Variants in KLHDC7B observed in about 807,000 individuals in gnomAD.
KLHDC7B encodes the protein kelch domain-containing protein 7B.
Under a neutral mutation model 0.6 loss-of-function variants are expected in KLHDC7B, and 1 was observed. The observed-to-expected ratio is 1.71, with a 90% CI of 0.61 to 8.11. KLHDC7B has a LOEUF of 8.11. Ranked by LOEUF, KLHDC7B falls within the 30% of genes most tolerant of loss-of-function variation. The probability of loss-of-function intolerance (pLI) is 0.13; values close to 1 mark genes in which losing one functional copy is unlikely to be tolerated. For missense variants in KLHDC7B, 993 were observed against 894.9 expected (o/e 1.11, Z -1.40); for synonymous variants, 462 against 405.2 (o/e 1.14, Z -1.68).
In KLHDC7B at chr22:50,548,865, C is replaced by T; in HGVS notation, c.2622C>T (p.His874=). 6.4e-7 allele frequency: 1 copy of T among 1,560,788 alleles called. No homozygotes were observed. The highest frequency in any genetic ancestry group is 8.7e-7 in the Non-Finnish European group (1 of 1,155,718). ...CLDVLAFAQQ[H]GEPGLAQETY... ...ACGTGCTGGCCTTTGCCCAGCAGCA[C>T]GGAGAGCCCGGCCTGGCGCAGGAGA... The change falls in exon 1 of 1, where the codon CAC becomes CAT. Residue 874 remains histidine (H), a synonymous_variant. Coordinates refer to ENST00000648057, the MANE Select transcript of KLHDC7B (RefSeq NM_138433.5). This position sits in a 1 kb window ranked among gnomAD's most constrained non-coding sequence, Gnocchi z 5.3.
In KLHDC7B at chr22:50,547,478, G is replaced by T; in HGVS notation, c.1235G>T (p.Ser412Ile). The T allele has an allele frequency of 5.1e-6, 2 of 389,434 alleles. No individual in the cohort carries two copies. Among genetic ancestry groups the T allele is most frequent in the East Asian group, 3.7e-5 (1 of 27,322 alleles). 24.1% of individuals were successfully genotyped at this position (389,434 alleles called of 1,614,324 possible). Residue 412 changes from serine (S) to isoleucine (I), a missense_variant, in exon 1 of 1, where the codon AGC (serine) becomes ATC (isoleucine). Physicochemically the swap from Ser to Ile is moderately radical, Grantham distance 142. Transcript: ENST00000648057. ...GGCCACAGCCGCGCGCCCTCCCGGA[G>T]CCGTGAGCCTCGCCCGCGCTCCGCC... ...AAGHSRAPSR[S>I]REPRPRSASP...
chr22:50,548,451 G>A lies in KLHDC7B; in HGVS notation c.2208G>A (p.Leu736=), dbSNP rs1013371579. 23 of 1,579,058 alleles carry A rather than the reference G, an allele frequency of 1.5e-5. No individual in the cohort carries two copies. Among genetic ancestry groups the A allele is most frequent in the Non-Finnish European group, 1.8e-5 (21 of 1,163,038 alleles). Reference sequence around the variant, plus strand: ...CCAGGGAGAAAAGTCTAGACCCGCTGCCCCAAGCCGCGATGCCCAGGGGCC... The same window carrying A: ...CCAGGGAGAAAAGTCTAGACCCGCTACCCCAAGCCGCGATGCCCAGGGGCC... ...EGTREKSLDP[L]PQAAMPRGPA... The change falls in exon 1 of 1, where the codon CTG becomes CTA. Residue 736 remains leucine, a synonymous_variant. Coordinates refer to ENST00000648057, the MANE Select transcript of KLHDC7B (RefSeq NM_138433.5). The surrounding 1 kb of genome is among the most constrained non-coding windows in gnomAD (Gnocchi z 5.3).
Position 50,547,653 on chromosome 22 carries a change from A to G in KLHDC7B, c.1410A>G (p.Gln470=). ...AAPAPSSASA[Q]VLTSAPASVL... ...CAGCCCCAAGTTCAGCCTCAGCCCA[A>G]GTCTTAACTTCAGCTCCAGCCTCAG... Residue 470 remains glutamine, a synonymous_variant, in exon 1 of 1, where the codon CAA becomes CAG. Coordinates refer to ENST00000648057, the MANE Select transcript of KLHDC7B (RefSeq NM_138433.5). 2.5e-6 allele frequency: 1 copy of G among 407,636 alleles called. No individual in the cohort carries two copies. The highest frequency in any genetic ancestry group is 3.6e-5 in the East Asian group (1 of 28,162). The allele number at this position is 407,636 out of a possible 1,614,324, so 25.3% of individuals were successfully genotyped here. A position where few individuals can be genotyped will look rare whatever the true frequency, so the allele number is the denominator to read the frequency against.
chr22:50,549,948 C>T lies in KLHDC7B; in HGVS notation c.3705C>T (p.Leu1235=). 6.4e-7 allele frequency: 1 copy of T among 1,552,174 alleles called. No homozygotes were observed. Among genetic ancestry groups the T allele is most frequent in the Non-Finnish European group, 8.7e-7 (1 of 1,142,874 alleles). Residue 1235 remains leucine, a synonymous_variant, in exon 1 of 1, where the codon CTC becomes CTT. Coordinates refer to ENST00000648057, the MANE Select transcript of KLHDC7B (RefSeq NM_138433.5). ...CTGAGGACCGGCTGCAGACCTCACT[C>T]TGAGTGGCAGGCAGAGAACCAAAGC... ...LPPEDRLQTS[L]
chr22:50,548,979 C>A lies in KLHDC7B; in HGVS notation c.2736C>A (p.Ile912=). The part of the protein sequence containing the change: ...RRLSAADRER[I]LSLRTGRGRA... ...TGAGCGCGGCCGACCGCGAGCGCAT[C>A]CTCAGCCTGCGGACCGGCCGGGGCC... The change falls in exon 1 of 1, where the codon ATC becomes ATA. Residue 912 remains isoleucine (I), a synonymous_variant. Transcript: ENST00000648057. This position sits in a 1 kb window ranked among gnomAD's most constrained non-coding sequence, Gnocchi z 5.3. 6.3e-7 allele frequency: 1 copy of A among 1,598,492 alleles called. No individual in the cohort carries two copies. Among genetic ancestry groups the A allele is most frequent in the Non-Finnish European group, 8.5e-7 (1 of 1,174,938 alleles).
In KLHDC7B at chr22:50,549,732, C is replaced by A; in HGVS notation, c.3489C>A (p.Ala1163=). 4 of 1,590,672 alleles carry A rather than the reference C, an allele frequency of 2.5e-6. No individual in the cohort carries two copies. Among genetic ancestry groups the A allele is most frequent in the Non-Finnish European group, 3.4e-6 (4 of 1,170,500 alleles). The change falls in exon 1 of 1, where the codon GCC becomes GCA. Residue 1163 remains alanine, a synonymous_variant. Coordinates refer to ENST00000648057, the MANE Select transcript of KLHDC7B (RefSeq NM_138433.5). ...NTVTGSWSRA[A]SLPLPAPAPL... ...TGACCGGCTCCTGGAGCAGGGCTGC[C>A]TCCCTGCCCCTGCCCGCCCCCGCCC...
Position 50,548,704 on chromosome 22 carries a change from CG to C in KLHDC7B, c.540del (p.Lys181SerfsTer65), listed in dbSNP as rs746113253. 2.5e-4 allele frequency: 385 copies of C among 1,513,580 alleles called. No individual in the cohort carries two copies. The highest frequency in any genetic ancestry group is 3.2e-4 in the Non-Finnish European group (361 of 1,131,544). 93.8% of individuals were successfully genotyped at this position (1,513,580 alleles called of 1,614,324 possible). A position where few individuals can be genotyped will look rare whatever the true frequency, so the allele number is the denominator to read the frequency against. On this transcript the variant is annotated frameshift_variant, in exon 1 of 1. Transcript: ENST00000395676. LOFTEE classifies it low-confidence loss of function (END_TRUNC). This position sits in a 1 kb window ranked among gnomAD's most constrained non-coding sequence, Gnocchi z 5.3. ...GCTCACGGAAAAGCAGGAGGAGGCC[CG>C]GAAGCTCATGGTGTTTCTGCAGAGG... is the stretch of plus-strand genomic sequence containing the variant.
At position 50,548,303 on chromosome 22, in the gene KLHDC7B, G is replaced by T. The variant is rs1351619024; in HGVS notation, c.2060G>T (p.Gly687Val). The change falls in exon 1 of 1, where the codon GGG (glycine) becomes GTG (valine). Residue 687 changes from glycine to valine, a missense_variant. Coordinates refer to ENST00000648057, the MANE Select transcript of KLHDC7B (RefSeq NM_138433.5). The surrounding 1 kb of genome is among the most constrained non-coding windows in gnomAD (Gnocchi z 5.3). ...EDRHGPSSSV[G>V]TVIGTGTGGL... is the part of the protein sequence containing the mutation. ...AGACACGGCCCCTCTTCTTCAGTGG[G>T]GACAGTCATAGGGACAGGTACAGGG... is the stretch of plus-strand genomic sequence containing the variant. 6.4e-7 allele frequency: 1 copy of T among 1,551,172 alleles called. No individual in the cohort carries two copies. Among genetic ancestry groups the T allele is most frequent in the Admixed American group, 2.0e-5 (1 of 50,990 alleles).
rs1569029947 is a variant in KLHDC7B, at chr22:50,548,640, GC to G, written c.476del (p.Pro159ArgfsTer87). On this transcript the variant is annotated frameshift_variant, in exon 1 of 1. Coordinates refer to the KLHDC7B transcript ENST00000395676. LOFTEE classifies it low-confidence loss of function (END_TRUNC). The surrounding 1 kb of genome is among the most constrained non-coding windows in gnomAD (Gnocchi z 5.3). ...CCTCGGGGGACCCTCAAGGGGAGGC[GC>G]CGGGGGAGGGGGGCAGCCCTGCCGG... 1 of 1,533,012 alleles carries G rather than the reference GC, an allele frequency of 6.5e-7. No homozygotes were observed. The highest frequency in any genetic ancestry group is 8.8e-7 in the Non-Finnish European group (1 of 1,139,994). 95.0% of individuals were successfully genotyped at this position (1,533,012 alleles called of 1,614,324 possible).
In KLHDC7B at chr22:50,546,299, G is replaced by A; in HGVS notation, c.56G>A (p.Ser19Asn). The change falls in exon 1 of 1, where the codon AGT (serine) becomes AAT (asparagine). Residue 19 changes from serine (S) to asparagine (N), a missense_variant. Coordinates refer to ENST00000648057, the MANE Select transcript of KLHDC7B (RefSeq NM_138433.5). ...CCCCTCTGGGGCTGGGACTGGGACA[G>A]TGACAATGACTGGGATAGTGCTGTG... is the stretch of plus-strand genomic sequence containing the variant. ...DGPLWGWDWD[S>N]DNDWDSAVLA... 1 of 398,690 alleles carries A rather than the reference G, an allele frequency of 2.5e-6. No individual in the cohort carries two copies. Among genetic ancestry groups the A allele is most frequent in the Non-Finnish European group, 4.4e-6 (1 of 226,090 alleles). 24.7% of individuals were successfully genotyped at this position (398,690 alleles called of 1,614,324 possible).
chr22:50,546,944 T>C lies in KLHDC7B; in HGVS notation c.701T>C (p.Met234Thr), dbSNP rs1454145461. Residue 234 changes from methionine to threonine, a missense_variant, in exon 1 of 1, where the codon ATG becomes ACG. Met to Thr is a moderately conservative substitution (Grantham distance 81). Coordinates refer to ENST00000648057, the MANE Select transcript of KLHDC7B (RefSeq NM_138433.5). ...MGRGRGRRRR[M>T]DAGSGDRARR... ...AGAGGCCGGGGCCGGCGGCGGCGGA[T>C]GGACGCTGGCTCGGGAGACAGAGCC... 6.6e-6 allele frequency among the ~76,000 whole-genome samples: 1 copy of C among 151,330 alleles called. No homozygotes were observed. The highest frequency in any genetic ancestry group is 2.4e-5 in the African/African-American group (1 of 41,182).
Position 50,550,498 on chromosome 22 carries a change from CTG to C in KLHDC7B, c.*548_*549del, listed in dbSNP as rs1446849714. 1 of 167,984 alleles carries C rather than the reference CTG, an allele frequency of 6.0e-6. No homozygotes were observed. The highest frequency in any genetic ancestry group is 2.4e-5 in the African/African-American group (1 of 41,464). The allele number at this position is 167,984 out of a possible 1,614,324, so 10.4% of individuals were successfully genotyped here. On this transcript the variant is annotated 3_prime_UTR_variant, in exon 1 of 1. Transcript: ENST00000648057. ...TCTCAAGGGCCTAGAACCCTTGCCT[CTG>C]AAACTGGTCCGCTGGTGCAGCCCTG... is the stretch of plus-strand genomic sequence containing the variant.
In KLHDC7B at chr22:50,546,864, G is replaced by A. The variant is rs1316858467; in HGVS notation, c.621G>A (p.Gly207=). Residue 207 remains glycine (G), a synonymous_variant, in exon 1 of 1, where the codon GGG becomes GGA. Transcript: ENST00000648057. ...ASSRQAAGPA[G]QQDTGPWQAG... ...CTCGCCAGGCCGCAGGCCCCGCGGG[G>A]CAACAGGACACTGGCCCCTGGCAGG... 6.6e-6 allele frequency among the ~76,000 whole-genome samples: 1 copy of A among 152,056 alleles called. No homozygotes were observed. Among genetic ancestry groups the A allele is most frequent in the East Asian group, 1.9e-4 (1 of 5,180 alleles).
chr22:50,548,747 T>C lies in KLHDC7B; in HGVS notation c.2504T>C (p.Val835Ala). Residue 835 changes from valine to alanine, a missense_variant, in exon 1 of 1, where the codon GTG becomes GCG. Coordinates refer to ENST00000648057, the MANE Select transcript of KLHDC7B (RefSeq NM_138433.5). The surrounding 1 kb of genome is among the most constrained non-coding windows in gnomAD (Gnocchi z 5.3). ...VFLQRPGGWG[V>A]VEGPRKPSSR... ...CTGCAGAGGCCCGGGGGTTGGGGGG[T>C]GGTGGAGGGGCCCCGGAAGCCCAGC... The C allele has an allele frequency of 1.4e-6, 2 of 1,447,596 alleles. No individual in the cohort carries two copies. The highest frequency in any genetic ancestry group is 1.8e-6 in the Non-Finnish European group (2 of 1,105,498). 89.7% of individuals were successfully genotyped at this position (1,447,596 alleles called of 1,614,324 possible). A position where few individuals can be genotyped will look rare whatever the true frequency, so the allele number is the denominator to read the frequency against.
In KLHDC7B at chr22:50,548,870, A is replaced by G; in HGVS notation, c.2627A>G (p.Glu876Gly). 6.4e-7 allele frequency: 1 copy of G among 1,563,686 alleles called. No individual in the cohort carries two copies. The highest frequency in any genetic ancestry group is 1.2e-5 in the South Asian group (1 of 86,320). The change falls in exon 1 of 1, where the codon GAG (glutamate) becomes GGG (glycine). Residue 876 changes from glutamate (E) to glycine (G), a missense_variant. Transcript: ENST00000648057. The surrounding 1 kb of genome is among the most constrained non-coding windows in gnomAD (Gnocchi z 5.3). ...CTGGCCTTTGCCCAGCAGCACGGAG[A>G]GCCCGGCCTGGCGCAGGAGACCTAC... ...DVLAFAQQHG[E>G]PGLAQETYAL...
chr22:50,549,833 G>A lies in KLHDC7B; in HGVS notation c.3590G>A (p.Gly1197Glu), dbSNP rs772369131. ...GTCACTGCCACCTTCACGGTCTCTGGGGGGACTGCCCAGTTCCAGGCCAAG... is the reference window on the plus strand; with the variant it reads ...GTCACTGCCACCTTCACGGTCTCTGAGGGGACTGCCCAGTTCCAGGCCAAG... ...PQVTATFTVS[G>E]GTAQFQAKEL... The change falls in exon 1 of 1, where the codon GGG (glycine) becomes GAG (glutamate). Residue 1197 changes from glycine (G) to glutamate (E), a missense_variant. Physicochemically the swap from Gly to Glu is moderately conservative, Grantham distance 98. Transcript: ENST00000648057. The A allele has an allele frequency of 1.3e-6, 2 of 1,585,880 alleles. No homozygotes were observed. Among genetic ancestry groups the A allele is most frequent in the Non-Finnish European group, 1.7e-6 (2 of 1,166,118 alleles).
At position 50,550,018 on chromosome 22, in the gene KLHDC7B, A is replaced by G. The variant is rs148520734; in HGVS notation, c.*67A>G. ...GAGACCCTCCTGGGATGGGCCTGAGAGGCCGGGGCTCAGGGAAGGGGCTGG... is the reference window on the plus strand; with the variant it reads ...GAGACCCTCCTGGGATGGGCCTGAGGGGCCGGGGCTCAGGGAAGGGGCTGG... On this transcript the variant is annotated 3_prime_UTR_variant, in exon 1 of 1. Transcript: ENST00000648057. 2.1e-6 allele frequency: 3 copies of G among 1,415,304 alleles called. No individual in the cohort carries two copies. The highest frequency in any genetic ancestry group is 1.9e-6 in the Non-Finnish European group (2 of 1,068,348). 87.7% of individuals were successfully genotyped at this position (1,415,304 alleles called of 1,614,324 possible). A position where few individuals can be genotyped will look rare whatever the true frequency, so the allele number is the denominator to read the frequency against.
At position 50,546,448 on chromosome 22, in the gene KLHDC7B, G is replaced by T. The variant is rs1422736139; in HGVS notation, c.205G>T (p.Ala69Ser). 1.3e-5 allele frequency: 5 copies of T among 399,366 alleles called. No individual in the cohort carries two copies. Among genetic ancestry groups the T allele is most frequent in the African/African-American group, 4.1e-5 (2 of 48,638 alleles). 24.7% of individuals were successfully genotyped at this position (399,366 alleles called of 1,614,324 possible). A position where few individuals can be genotyped will look rare whatever the true frequency, so the allele number is the denominator to read the frequency against. The change falls in exon 1 of 1, where the codon GCA becomes TCA. Residue 69 changes from alanine to serine, a missense_variant. Coordinates refer to ENST00000648057, the MANE Select transcript of KLHDC7B (RefSeq NM_138433.5). ...STALGAQPHQ[A>S]GGAELALQPK... ...AGCCCTCGGGGCTCAACCTCATCAG[G>T]CAGGAGGAGCTGAGCTGGCCCTGCA...
chr22:50,549,595 C>G lies in KLHDC7B; in HGVS notation c.3352C>G (p.Pro1118Ala). ...SPVKDAWDEC[P>A]YSASHRRSSD... The stretch of plus-strand genomic sequence containing the variant: ...CGTGAAGGATGCTTGGGACGAGTGC[C>G]CATACAGTGCCAGCCACCGGCGTTC... The change falls in exon 1 of 1, where the codon CCA (proline) becomes GCA (alanine). Residue 1118 changes from proline to alanine, a missense_variant. By Grantham distance (27) the Pro-to-Ala change is conservative. Coordinates refer to ENST00000648057, the MANE Select transcript of KLHDC7B (RefSeq NM_138433.5). 6.4e-7 allele frequency: 1 copy of G among 1,566,430 alleles called. No homozygotes were observed. The highest frequency in any genetic ancestry group is 1.3e-5 in the African/African-American group (1 of 74,156).
Sources: allele counts gnomAD v4.1 joint callset (sites outside exome capture counted in the v4.1 genomes callset), GRCh38; gene constraint gnomAD v4.1.1; non-coding constraint Gnocchi (gnomAD v3.1); transcripts MANE v1.5; gene names NCBI Gene and HGNC (gene_info 2026-07-23, HGNC 2026-07-21).